The following KLF16 variants were observed in gnomAD, a reference collection of about 807,000 sequenced individuals.
The protein encoded by KLF16 is KLF transcription factor 16, also known as Krueppel-like factor 16.
A neutral mutation model predicts 6.1 loss-of-function variants in KLF16; 6 were observed. The ratio of observed to expected loss-of-function variants is 0.98; its 90% CI spans 0.54 to 1.93. KLF16 has a LOEUF of 1.93. Among genes scored for constraint, KLF16 ranks in the 30% most tolerant of loss-of-function variants. The pLI is 0.01. For synonymous variants in KLF16, 211 were observed against 176.5 expected (o/e 1.20, Z -1.55); for missense variants, 355 against 363.8 (o/e 0.98, Z 0.20).
chr19:1,872,643 T>A, the KLF16 span, among the ~76,000 whole-genome samples: 3 of 152,170 alleles, frequency 2.0e-5, no homozygotes, highest in Admixed American at 2.0e-4. Flanking sequence ...CGGGAGGTGC[T>A]CGCTGTCTGG....
At position 1,854,672 on chromosome 19, in the gene KLF16, C is replaced by T. The variant is rs769338071; in HGVS notation, c.546G>A (p.Thr182=). The part of the protein sequence containing the change: ...DELARHHRTH[T]GEKRFSCPLC... ...GAGGGCAGGAGAAGCGCTTCTCGCCCGTGTGCGTCCGGTGGTGGCGGGCCA... is the reference window on the plus strand; with the variant it reads ...GAGGGCAGGAGAAGCGCTTCTCGCCTGTGTGCGTCCGGTGGTGGCGGGCCA... Residue 182 remains threonine (T), a synonymous_variant, in exon 2 of 2, where the codon ACG becomes ACA. Transcript: ENST00000250916. 1.2e-6 allele frequency: 2 copies of T among 1,600,284 alleles called. No individual in the cohort carries two copies. The highest frequency in any genetic ancestry group is 1.1e-5 in the South Asian group (1 of 90,998).
chr19:1,864,150 C>G (rs564061531), upstream of KLF16, among the ~76,000 whole-genome samples: 4 of 150,772 alleles, frequency 2.7e-5, 1 homozygote, highest in South Asian at 8.3e-4. Context: ...GAGCCCGCCC[C>G]CTCCCCGGAT....
chr19:1,872,571 C>T, the KLF16 span, among the ~76,000 whole-genome samples: 1 of 152,326 alleles, frequency 6.6e-6, no homozygotes, highest in East Asian at 1.9e-4. Context: ...CGGACACACA[C>T]ACTGCCTGTT....
At chr19:1,874,055 T>C in the KLF16 span, among the ~76,000 whole-genome samples, 1 of 152,232 alleles carries the variant, frequency 6.6e-6, no homozygotes, top group African/African-American at 2.4e-5. Flanking sequence ...AAAATCCTCT[T>C]CATCACAGTG....
rs2011899837 is a variant in KLF16, at chr19:1,854,279, AC to A, written c.*179del. 2 of 636,014 alleles carry A rather than the reference AC, an allele frequency of 3.1e-6. No individual in the cohort carries two copies. Among genetic ancestry groups the A allele is most frequent in the Non-Finnish European group, 2.4e-6 (1 of 423,400 alleles). 39.4% of individuals were successfully genotyped at this position (636,014 alleles called of 1,614,324 possible). A position where few individuals can be genotyped will look rare whatever the true frequency, so the allele number is the denominator to read the frequency against. On this transcript the variant is annotated 3_prime_UTR_variant, in exon 2 of 2. Transcript: ENST00000250916. ...GCCCCCGTCACCCATCCTGAGAGCCACCTCTGAGGTCAGGCAGACCCAGGTC... is the reference window on the plus strand; with the variant it reads ...GCCCCCGTCACCCATCCTGAGAGCCACTCTGAGGTCAGGCAGACCCAGGTC...
upstream of KLF16, among the ~76,000 whole-genome samples, chr19:1,866,046 G>A (rs2145373701): frequency 6.6e-6 from 1 of 152,340 alleles, no homozygotes. Flanking sequence ...GCTCACGCCT[G>A]TAATCCCAGC....
rs961565143 is a variant in KLF16 at position 1,857,433 on chromosome 19, G to A, written c.458-2673C>T. Among the ~76,000 whole-genome samples the A allele has an allele frequency of 1.3e-5, 2 of 152,236 alleles. No individual in the cohort carries two copies. The highest frequency in any genetic ancestry group is 4.8e-5 in the African/African-American group (2 of 41,466). The stretch of plus-strand genomic sequence containing the variant: ...GGGGACAACGCGGGAGGGCAGTGTG[G>A]GCGGGGCCGCGGTGGACTTGACCCT... On this transcript the variant is annotated intron_variant, in intron 1 of 1. Transcript: ENST00000250916. The surrounding 1 kb of genome is among the most constrained non-coding windows in gnomAD (Gnocchi z 4.7).
the KLF16 span, among the ~76,000 whole-genome samples, chr19:1,872,217 G>A: frequency 1.3e-5 from 2 of 152,076 alleles, no homozygotes; most frequent in Non-Finnish European, 2.9e-5. Context: ...TGCAACCTCC[G>A]CCCCCTGGGT....
chr19:1,873,325 C>T, the KLF16 span, among the ~76,000 whole-genome samples: 1 of 152,182 alleles, frequency 6.6e-6, no homozygotes, highest in Admixed American at 6.5e-5. Context: ...GTGCACAGCC[C>T]TGGGCACCGC....
At chr19:1,867,860 C>G (rs2012211373), upstream of KLF16, among the ~76,000 whole-genome samples, 1 of 151,866 alleles carries the variant, frequency 6.6e-6, no homozygotes, top group South Asian at 2.1e-4. Flanking sequence ...GTGAGACTCC[C>G]TCTCAAATAA....
the KLF16 span, among the ~76,000 whole-genome samples, chr19:1,874,716 T>C: frequency 3.0e-5 from 3 of 99,806 alleles, no homozygotes; most frequent in African/African-American, 1.1e-4. Flanking sequence ...AGCCGAGAAA[T>C]GGTATTCAGC....
rs1349908339 is a variant in KLF16, at chr19:1,863,143, C to T, written c.355G>A (p.Ala119Thr). The change falls in exon 1 of 2, where the codon GCG becomes ACG. Residue 119 changes from alanine (A) to threonine (T), a missense_variant. Physicochemically the swap from Ala to Thr is moderately conservative, Grantham distance 58. Transcript: ENST00000250916. The stretch of plus-strand genomic sequence containing the variant: ...TGGCTCTTGGCGGCGGCGGAGGGCG[C>T]GGCGCCGGGGGCGCGGCCCGAGGAC... ...SPSSGRAPGAAPSAAAKSHRC... is the reference protein window; with the variant it reads ...SPSSGRAPGATPSAAAKSHRC... 1.5e-6 allele frequency: 2 copies of T among 1,323,274 alleles called. No individual in the cohort carries two copies. Among genetic ancestry groups the T allele is most frequent in the Non-Finnish European group, 2.0e-6 (2 of 1,018,750 alleles). The allele number at this position is 1,323,274 out of a possible 1,614,324, so 82.0% of individuals were successfully genotyped here.
upstream of KLF16, among the ~76,000 whole-genome samples, chr19:1,866,614 A>C (rs945369497): frequency 1.6e-5 from 2 of 123,070 alleles, no homozygotes; most frequent in African/African-American, 5.2e-5. Context: ...AACTGTCTCA[A>C]AAAAAAAAAA....
chr19:1,859,214 G>A lies in KLF16; in HGVS notation c.457+3827C>T, dbSNP rs530720581. Among the ~76,000 whole-genome samples the A allele has an allele frequency of 2.0e-5, 3 of 152,222 alleles. No individual in the cohort carries two copies. The South Asian group carries it at 6.2e-4, about 32-fold the overall frequency. On this transcript the variant is annotated intron_variant, in intron 1 of 1. Transcript: ENST00000250916. ...CATAGTTCTGCCTGGGGGTGGAGGA[G>A]AGAATGAAGTGGGGCATGGCTGCTT...
At chr19:1,860,986 C>T (rs2012052799) in intron 1 of KLF16, among the ~76,000 whole-genome samples, 1 of 152,034 alleles carries the variant, frequency 6.6e-6, no homozygotes, top group African/African-American at 2.4e-5. Flanking sequence ...CCAGGAGATC[C>T]GCCCTGCCCT....
Position 1,863,545 on chromosome 19 carries a change from G to T in KLF16, c.-48C>A. ...GGCGGGCGGAGCGGAGGCGGCGGGAGCGGCGTCCGTCCGGCCGGCGGCGGC... is the reference window on the plus strand; with the variant it reads ...GGCGGGCGGAGCGGAGGCGGCGGGATCGGCGTCCGTCCGGCCGGCGGCGGC... On this transcript the variant is annotated 5_prime_UTR_variant, in exon 1 of 2. Transcript: ENST00000250916. The T allele has an allele frequency of 2.2e-6, 2 of 923,380 alleles. No homozygotes were observed. The highest frequency in any genetic ancestry group is 1.3e-6 in the Non-Finnish European group (1 of 775,216). The allele number at this position is 923,380 out of a possible 1,614,324, so 57.2% of individuals were successfully genotyped here.
chr19:1,872,634 G>A, the KLF16 span, among the ~76,000 whole-genome samples: 6 of 152,192 alleles, frequency 3.9e-5, no homozygotes, highest in Admixed American at 2.6e-4. Context: ...CTGGTCTGGC[G>A]GGAGGTGCTC....
chr19:1,855,075 C>G (rs1295201508), intron 1 of KLF16, among the ~76,000 whole-genome samples: 1 of 152,190 alleles, frequency 6.6e-6, no homozygotes, highest in Non-Finnish European at 1.5e-5. Context: ...CCCAGGCCCT[C>G]GCAGCCTCTG....
At position 1,863,335 on chromosome 19, in the gene KLF16, T is replaced by A; in HGVS notation, c.163A>T (p.Thr55Ser). Reference sequence around the variant, plus strand: ...GGGGGCGGCGGGGGTGGCCCCGGGGTCCCGGGTGAGGCGGCCTCGCGGCGC... The same window carrying A: ...GGGGGCGGCGGGGGTGGCCCCGGGGACCCGGGTGAGGCGGCCTCGCGGCGC... Reference protein sequence around the residue: ...AARREAASPGTPGPPPPPPAA... With the variant: ...AARREAASPGSPGPPPPPPAA... The change falls in exon 1 of 2, where the codon ACC becomes TCC. Residue 55 changes from threonine to serine, a missense_variant. Coordinates refer to ENST00000250916, the MANE Select transcript of KLF16 (RefSeq NM_031918.4). 1 of 976,624 alleles carries A rather than the reference T, an allele frequency of 1.0e-6. No homozygotes were observed. Among genetic ancestry groups the A allele is most frequent in the Non-Finnish European group, 1.2e-6 (1 of 827,132 alleles). The allele number at this position is 976,624 out of a possible 1,614,324, so 60.5% of individuals were successfully genotyped here.
Sources: gnomAD v4.1 joint callset for allele counts (sites outside exome capture counted in the v4.1 genomes callset) on GRCh38, gnomAD v4.1.1 for gene constraint, Gnocchi (gnomAD v3.1) non-coding constraint, MANE v1.5 for transcripts, NCBI Gene and HGNC (gene_info 2026-07-23, HGNC 2026-07-21) for gene names.